Variants in CWC22 observed in about 807,000 individuals in gnomAD.
The protein encoded by CWC22 is CWC22 spliceosome associated protein, also known as pre-mRNA-splicing factor CWC22 homolog.
A neutral mutation model predicts 117.2 loss-of-function variants in CWC22; 53 were observed. The ratio of observed to expected loss-of-function variants is 0.45; its 90% CI spans 0.36 to 0.57. CWC22 has a LOEUF of 0.57. Among genes scored for constraint, CWC22 ranks in the 20% least tolerant of loss-of-function variants. CWC22 has a pLI of 0.00. For missense variants in CWC22, 980 were observed against 1,068.8 expected (o/e 0.92, Z 1.16); for synonymous variants, 360 against 355.6 (o/e 1.01, Z -0.14).
chr2:180,004,937 A>G (rs1305791480), intron 1 of CWC22, among the ~76,000 whole-genome samples: 1 of 151,566 alleles, frequency 6.6e-6, no homozygotes, highest in African/African-American at 2.4e-5. Context: ...AGGACGGGGG[A>G]GGATGAATCA....
chr2:180,004,704 C>A (rs925715222), intron 1 of CWC22, among the ~76,000 whole-genome samples: 1 of 151,730 alleles, frequency 6.6e-6, no homozygotes, highest in East Asian at 1.9e-4. Flanking sequence ...CCCCTCCCCC[C>A]CAGGAGAGTT....
intron 1 of CWC22, among the ~76,000 whole-genome samples, chr2:180,005,769 CAAA>C (rs1026893723): frequency 6.6e-6 from 1 of 151,968 alleles, no homozygotes; most frequent in African/African-American, 2.4e-5. Context: ...TCTTTATACT[CAAA>C]AAAAGACAAT....
chr2:179,967,305 C>T lies in CWC22; in HGVS notation c.1211-1323G>A, dbSNP rs141273996. Among the ~76,000 whole-genome samples, 285 of 152,318 alleles carry T rather than the reference C, an allele frequency of 1.9e-3. 1 individual carries two copies. The highest frequency in any genetic ancestry group is 3.2e-3 in the Non-Finnish European group (217 of 68,032). On this transcript the variant is annotated intron_variant, in intron 11 of 19. Transcript: ENST00000410053. ...GTCTAATCATTTACATCATCCTCTT[C>T]TCATCTCTCCACTTTAGACTCTACT...
intron 4 of CWC22, among the ~76,000 whole-genome samples, chr2:179,986,222 C>A (rs1000723812): frequency 5.9e-5 from 9 of 152,120 alleles, no homozygotes; most frequent in Non-Finnish European, 2.9e-5. Flanking sequence ...GAATCCTTCA[C>A]ATGTAGAAAA....
chr2:179,975,402 C>T (rs1455085105), intron 6 of CWC22, among the ~76,000 whole-genome samples: 2 of 152,166 alleles, frequency 1.3e-5, no homozygotes, highest in African/African-American at 4.8e-5. Context: ...CCTACTCTTT[C>T]CAATTCTATT....
At chr2:179,986,595 T>C (rs1182068802) in intron 4 of CWC22, 100 bp downstream of exon 4, 1 of 620,344 alleles carries the variant, frequency 1.6e-6, no homozygotes, top group Non-Finnish European at 2.7e-6. Context: ...AACATCCAAT[T>C]AATGTTAGCT....
At chr2:180,001,817 G>A (rs907312499) in intron 1 of CWC22, among the ~76,000 whole-genome samples, 1 of 152,146 alleles carries the variant, frequency 6.6e-6, no homozygotes, top group South Asian at 2.1e-4. Flanking sequence ...GTTCTCACTT[G>A]TCAACTTACA....
chr2:179,959,181 T>C (rs1444250645), intron 13 of CWC22, 99 bp from the exon 14 acceptor site: 2 of 746,168 alleles, frequency 2.7e-6, no homozygotes, highest in Non-Finnish European at 4.5e-6. Context: ...ATCATCTTTT[T>C]TAACTGTAAT....
At chr2:179,953,591 GCTAA>G (rs554292410) in intron 16 of CWC22, among the ~76,000 whole-genome samples, 320 of 152,192 alleles carry the variant, frequency 2.1e-3, no homozygotes, top group African/African-American at 7.5e-3. Context: ...ATAAGTGGTG[GCTAA>G]CTAACACTGG....
intron 5 of CWC22, 143 bp from the exon 6 acceptor site, chr2:179,978,461 C>T: frequency 1.2e-6 from 1 of 859,748 alleles, no homozygotes; most frequent in East Asian, 3.3e-5. Context: ...TATATGATGC[C>T]TATCAGGATA....
intron 6 of CWC22, 27 bp from the exon 7 acceptor site, chr2:179,973,829 G>A: frequency 7.1e-7 from 1 of 1,407,952 alleles, no homozygotes; most frequent in Non-Finnish European, 9.5e-7. Context: ...TTAAAAAGGA[G>A]TCAACAATAA....
chr2:179,996,270 GTA>G (rs1284254102), intron 1 of CWC22, among the ~76,000 whole-genome samples: 1 of 152,154 alleles, frequency 6.6e-6, no homozygotes, highest in Admixed American at 6.5e-5. Flanking sequence ...CCTGGAATTA[GTA>G]TATAAGGTTT....
At chr2:179,969,995 C>G (rs1364926212) in intron 11 of CWC22, among the ~76,000 whole-genome samples, 6 of 152,088 alleles carry the variant, frequency 3.9e-5, no homozygotes, top group Non-Finnish European at 8.8e-5. Context: ...ACATCAAAAC[C>G]TGTCCAAAGT....
At chr2:179,958,896 C>A (rs1053677788) in intron 14 of CWC22, 126 bp downstream of exon 14, 1 of 557,756 alleles carries the variant, frequency 1.8e-6, no homozygotes, top group Non-Finnish European at 3.3e-6. Context: ...TGATATAAAA[C>A]CTACATTAAA....
chr2:179,981,114 T>G (rs1687274132), intron 5 of CWC22, among the ~76,000 whole-genome samples: 1 of 152,190 alleles, frequency 6.6e-6, no homozygotes. Context: ...CAAAAAGAGA[T>G]AATTGCCAGC....
intron 19 of CWC22, among the ~76,000 whole-genome samples, chr2:179,949,263 GGT>G (rs1686388354): frequency 6.6e-6 from 1 of 152,094 alleles, no homozygotes; most frequent in Admixed American, 6.6e-5. Flanking sequence ...GAATGGGACT[GGT>G]TATTTGCAAT....
chr2:179,961,699 G>C (rs759458463), intron 13 of CWC22, among the ~76,000 whole-genome samples: 1 of 151,926 alleles, frequency 6.6e-6, no homozygotes, highest in African/African-American at 2.4e-5. Flanking sequence ...ACTAAGTGAA[G>C]TATCAGGGAG....
intron 1 of CWC22, among the ~76,000 whole-genome samples, chr2:179,999,619 G>C (rs1330944323): frequency 6.6e-6 from 1 of 152,096 alleles, no homozygotes; most frequent in African/African-American, 2.4e-5. Context: ...GATTTCCGTA[G>C]CAAAACACTT....
Position 179,945,009 on chromosome 2 carries a change from T to C in CWC22, c.*120A>G. On this transcript the variant is annotated 3_prime_UTR_variant, in exon 20 of 20. Transcript: ENST00000410053. ...AAACATGTTAAAATGAAAACATTTT[T>C]TAAATTTACAAATACAAACCAATAC... The C allele has an allele frequency of 1.5e-6, 1 of 662,216 alleles. No individual in the cohort carries two copies. Among genetic ancestry groups the C allele is most frequent in the Non-Finnish European group, 2.4e-6 (1 of 420,954 alleles). 41.0% of individuals were successfully genotyped at this position (662,216 alleles called of 1,614,324 possible).
Sources: gnomAD v4.1 joint callset for allele counts (sites outside exome capture counted in the v4.1 genomes callset) on GRCh38, gnomAD v4.1.1 for gene constraint, MANE v1.5 for transcripts, NCBI Gene and HGNC (gene_info 2026-07-23, HGNC 2026-07-21) for gene names.